Variants in EIF2B3 observed in about 807,000 individuals in gnomAD.
The protein encoded by EIF2B3 is translation initiation factor eIF2B subunit gamma.
In EIF2B3, 20 loss-of-function variants were observed where a neutral mutation model predicts 54.1. The observed-to-expected ratio is 0.37, with a 90% CI of 0.26 to 0.54. EIF2B3 has a LOEUF of 0.54. EIF2B3 is among the 20% of genes least tolerant of loss of function. The pLI is 0.86. For missense variants in EIF2B3, 448 were observed against 547.8 expected (o/e 0.82, Z 1.82); for synonymous variants, 153 against 188.1 (o/e 0.81, Z 1.52).
intron 5 of EIF2B3, among the ~76,000 whole-genome samples, chr1:44,909,641 T>C (rs1437381325): frequency 6.6e-6 from 1 of 152,202 alleles, no homozygotes; most frequent in Non-Finnish European, 1.5e-5. Context: ...TACAGCCATA[T>C]CATTTTATAG....
At chr1:44,974,473 TA>T (rs79071703) in intron 3 of EIF2B3, among the ~76,000 whole-genome samples, 418 of 117,054 alleles carry the variant, frequency 3.6e-3, no homozygotes, top group Non-Finnish European at 4.0e-3. Context: ...GACCCTGGTC[TA>T]AAAAAAAAAA....
At chr1:44,870,927 C>T (rs1573692528) in intron 10 of EIF2B3, among the ~76,000 whole-genome samples, 1 of 152,160 alleles carries the variant, frequency 6.6e-6, no homozygotes, top group Non-Finnish European at 1.5e-5. Flanking sequence ...GGACTACAGG[C>T]ATGAGCCACC....
intron 10 of EIF2B3, among the ~76,000 whole-genome samples, chr1:44,862,408 G>A (rs1654637090): frequency 6.6e-6 from 1 of 152,166 alleles, no homozygotes; most frequent in South Asian, 2.1e-4. Flanking sequence ...GAGTACTACA[G>A]TAAGATCACT....
chr1:44,858,263 C>T, intron 10 of EIF2B3, among the ~76,000 whole-genome samples: 1 of 151,718 alleles, frequency 6.6e-6, no homozygotes, highest in Admixed American at 6.6e-5. Flanking sequence ...GATCCCAGAA[C>T]CTAGAGGTCT....
intron 5 of EIF2B3, among the ~76,000 whole-genome samples, chr1:44,900,804 C>T (rs898362073): frequency 3.3e-5 from 5 of 152,100 alleles, no homozygotes; most frequent in Non-Finnish European, 2.9e-5. Flanking sequence ...TTTTGGTCTG[C>T]ATTTCCCTAT....
Position 44,933,214 on chromosome 1 carries a change from A to G in EIF2B3, c.455-6475T>C, listed in dbSNP as rs142720406. 9.2e-3 allele frequency among the ~76,000 whole-genome samples: 1,402 copies of G among 152,326 alleles called. 11 individuals are homozygous for G. Among genetic ancestry groups the G allele is most frequent in the Non-Finnish European group, 0.013 (877 of 68,028 alleles). On this transcript the variant is annotated intron_variant, in intron 4 of 11. Coordinates refer to ENST00000360403, the MANE Select transcript of EIF2B3 (RefSeq NM_020365.5). Reference sequence around the variant, plus strand: ...ATCTTTAGGAAAACAAAAGGAGGAAAGAGAAAAGTAATCATATACTACAAG... The same window carrying G: ...ATCTTTAGGAAAACAAAAGGAGGAAGGAGAAAAGTAATCATATACTACAAG...
intron 4 of EIF2B3, among the ~76,000 whole-genome samples, chr1:44,940,371 T>C (rs1644006757): frequency 6.6e-6 from 1 of 151,982 alleles, no homozygotes; most frequent in African/African-American, 2.4e-5. Flanking sequence ...TCAGGAAAAT[T>C]TAAACCCATA....
At chr1:44,933,694 G>A (rs986639541) in intron 4 of EIF2B3, among the ~76,000 whole-genome samples, 3 of 152,128 alleles carry the variant, frequency 2.0e-5, no homozygotes, top group Admixed American at 2.0e-4. Flanking sequence ...CAGAAGGCAT[G>A]GGTTTGAGTT....
intron 5 of EIF2B3, among the ~76,000 whole-genome samples, chr1:44,913,099 C>T (rs897698760): frequency 7.9e-5 from 7 of 88,080 alleles, no homozygotes; most frequent in Admixed American, 1.7e-4. Flanking sequence ...AAAGCAATTG[C>T]GGTTTTTGTT....
intron 5 of EIF2B3, among the ~76,000 whole-genome samples, chr1:44,909,757 C>G (rs1643477914): frequency 6.6e-6 from 1 of 152,158 alleles, no homozygotes; most frequent in African/African-American, 2.4e-5. Context: ...TGTACCTGCC[C>G]CCATCCCAAA....
At chr1:44,904,544 C>T (rs945556826) in intron 5 of EIF2B3, among the ~76,000 whole-genome samples, 1 of 152,038 alleles carries the variant, frequency 6.6e-6, no homozygotes, top group African/African-American at 2.4e-5. Flanking sequence ...GACGGAGTCT[C>T]GTTCTGTTGC....
At chr1:44,919,590 C>A (rs1481672061) in intron 5 of EIF2B3, among the ~76,000 whole-genome samples, 1 of 152,104 alleles carries the variant, frequency 6.6e-6, no homozygotes, top group Non-Finnish European at 1.5e-5. Flanking sequence ...TTGAAGAAAT[C>A]ATTCCCAAGT....
chr1:44,941,616 T>C lies in EIF2B3; in HGVS notation c.344A>G (p.His115Arg), dbSNP rs1458764683. The C allele has an allele frequency of 2.5e-6, 4 of 1,614,118 alleles. No individual in the cohort carries two copies. The highest frequency in any genetic ancestry group is 1.1e-5 in the South Asian group (1 of 91,082). Residue 115 changes from histidine to arginine, a missense_variant, in exon 4 of 12, where the codon CAT (histidine) becomes CGT (arginine). Physicochemically the swap from His to Arg is conservative, Grantham distance 29. Coordinates refer to ENST00000360403, the MANE Select transcript of EIF2B3 (RefSeq NM_020365.5). The stretch of plus-strand genomic sequence containing the variant: ...AGCTCTAAACAGGTCCACAACCTCA[T>C]GTAAGGCAACGTCTGTTATCAGATC... ...SCDLITDVALHEVVDLFRAYD... is the reference protein window; with the variant it reads ...SCDLITDVALREVVDLFRAYD...
At chr1:44,886,325 C>A (rs1655583499) in intron 6 of EIF2B3, among the ~76,000 whole-genome samples, 1 of 152,094 alleles carries the variant, frequency 6.6e-6, no homozygotes, top group Non-Finnish European at 1.5e-5. Flanking sequence ...ATGATCTGAC[C>A]TGCCTCAGCC....
At chr1:44,862,560 A>G (rs1199668898) in intron 10 of EIF2B3, among the ~76,000 whole-genome samples, 2 of 152,172 alleles carry the variant, frequency 1.3e-5, no homozygotes, top group East Asian at 3.8e-4. Flanking sequence ...CAAGGGAGGA[A>G]AGGGAACTCA....
At chr1:44,916,198 T>C (rs1643619156) in intron 5 of EIF2B3, among the ~76,000 whole-genome samples, 1 of 152,090 alleles carries the variant, frequency 6.6e-6, no homozygotes, top group Non-Finnish European at 1.5e-5. Context: ...CCATATTCTT[T>C]ATTTTGACTC....
At chr1:44,958,956 G>A in intron 3 of EIF2B3, 1 of 779,164 alleles carries the variant, frequency 1.3e-6, no homozygotes. Flanking sequence ...AAGCGAGGAT[G>A]TAGAATTGAC....
Position 44,978,326 on chromosome 1 carries a change from G to A in EIF2B3, c.283C>T (p.Pro95Ser). 6.2e-7 allele frequency: 1 copy of A among 1,613,986 alleles called. No individual in the cohort carries two copies. Among genetic ancestry groups the A allele is most frequent in the Non-Finnish European group, 8.5e-7 (1 of 1,180,002 alleles). Residue 95 changes from proline (P) to serine (S), a missense_variant, in exon 3 of 12, where the codon CCA becomes TCA. Physicochemically the swap from Pro to Ser is moderately conservative, Grantham distance 74 (BLOSUM62 -1). Coordinates refer to ENST00000360403, the MANE Select transcript of EIF2B3 (RefSeq NM_020365.5). The part of the protein sequence containing the change: ...GTADSLRYIY[P>S]KLKTDVLVLS... ...AAATTGCTTTTCACCTTAAGTTTTGGATATATGTAGCGCAAAGAATCTGCA... is the reference window on the plus strand; with the variant it reads ...AAATTGCTTTTCACCTTAAGTTTTGAATATATGTAGCGCAAAGAATCTGCA...
intron 10 of EIF2B3, among the ~76,000 whole-genome samples, chr1:44,861,494 T>C (rs1182450573): frequency 6.6e-6 from 1 of 152,206 alleles, no homozygotes; most frequent in East Asian, 1.9e-4. Context: ...CAAGCAGCCA[T>C]AATTAGAGAC....
Sources: allele counts gnomAD v4.1 joint callset (sites outside exome capture counted in the v4.1 genomes callset), GRCh38; gene constraint gnomAD v4.1.1; transcripts MANE v1.5; gene names NCBI Gene and HGNC (gene_info 2026-07-23, HGNC 2026-07-21).